Variants in NBPF12 observed in about 807,000 individuals in gnomAD.
NBPF12 encodes NBPF member 12.
NBPF12 carries 115 observed loss-of-function variants against 146.4 expected under a neutral mutation model. The ratio of observed to expected loss-of-function variants is 0.79; its 90% CI spans 0.68 to 0.92. The LOEUF (loss-of-function observed/expected upper bound fraction) is 0.92, where lower values mean the gene tolerates loss of function less well. NBPF12 is among the 40% of genes least tolerant of loss of function. The probability of loss-of-function intolerance (pLI) is 0.00; values close to 1 mark genes in which losing one functional copy is unlikely to be tolerated. For missense variants in NBPF12, 1,205 were observed against 1,326.8 expected, an observed-to-expected ratio of 0.91 and a Z score of 1.43; for synonymous variants, 385 against 508.9, an observed-to-expected ratio of 0.76 and a Z score of 3.28.
chr1:146,952,160 TGAA>T (rs1655352852), intron 2 of NBPF12: 1 of 151,840 alleles, frequency 6.6e-6, no homozygotes, highest in Non-Finnish European at 1.5e-5. Flanking sequence ...TCTTTTATGA[TGAA>T]GGAGAAATAA....
intron 13 of NBPF12, among the ~76,000 whole-genome samples, chr1:146,972,445 A>G (rs1457273660): frequency 6.6e-6 from 1 of 151,392 alleles, no homozygotes; most frequent in South Asian, 2.1e-4. Flanking sequence ...GCAAAATGAA[A>G]TCTTTTGTGC....
intron 1 of NBPF12, among the ~76,000 whole-genome samples, chr1:146,941,373 CT>C (rs1246720880): frequency 6.6e-6 from 1 of 151,932 alleles, no homozygotes; most frequent in Non-Finnish European, 1.5e-5. Context: ...GCATGAGCTA[CT>C]GCACCCGGCC....
chr1:146,942,143 C>T (rs1165125373), intron 1 of NBPF12, among the ~76,000 whole-genome samples: 5 of 151,360 alleles, frequency 3.3e-5, no homozygotes, highest in African/African-American at 1.2e-4. Context: ...CGGCATGCAC[C>T]ACCATGCCCA....
intron 9 of NBPF12, among the ~76,000 whole-genome samples, chr1:146,966,986 C>T (rs1416322604): frequency 2.0e-4 from 30 of 151,086 alleles, no homozygotes; most frequent in Non-Finnish European, 2.6e-4. Flanking sequence ...CTCTGTGCCA[C>T]ATAAGATCCT....
At position 146,988,889 on chromosome 1, in the gene NBPF12, AGAAGAAAAGAAGAAGGG is replaced by A. The variant is rs2101922792; in HGVS notation, c.3351_3367del (p.Arg1118GlyfsTer18). The A allele has an allele frequency of 2.0e-6, 1 of 503,094 alleles. No homozygotes were observed. Among genetic ancestry groups the A allele is most frequent in the Admixed American group, 3.8e-5 (1 of 26,562 alleles). The allele number at this position is 503,094 out of a possible 1,614,324, so 31.2% of individuals were successfully genotyped here. On this transcript the variant is annotated frameshift_variant, in exon 27 of 34. Coordinates refer to ENST00000617844, the Ensembl canonical transcript of NBPF12. LOFTEE classifies it high-confidence loss of function. ...AAGAAAAGAAGGGGAAGAAGATCAA[AGAAGAAAAGAAGAAGGG>A]GAAGAAAAGAAGGGGAAGAAGATCA... is the stretch of plus-strand genomic sequence containing the variant.
chr1:146,980,285 T>C (rs1440089833), intron 19 of NBPF12, among the ~76,000 whole-genome samples: 1 of 152,164 alleles, frequency 6.6e-6, no homozygotes, highest in Non-Finnish European at 1.5e-5. Context: ...CATTCTGTGT[T>C]TTTTAACTGG....
At chr1:146,992,478 G>GCT (rs1658253466) in intron 31 of NBPF12, among the ~76,000 whole-genome samples, 1 of 112,830 alleles carries the variant, frequency 8.9e-6, no homozygotes, top group Non-Finnish European at 1.8e-5. Flanking sequence ...GTGTGTGTGT[G>GCT]TGTGTGTGTG....
chr1:146,948,299 G>A (rs1423042655), upstream of NBPF12, among the ~76,000 whole-genome samples: 64 of 151,940 alleles, frequency 4.2e-4, 1 homozygote, highest in East Asian at 9.7e-3. Flanking sequence ...TATGAGCCAC[G>A]GCCTGACCTG....
intron 9 of NBPF12, among the ~76,000 whole-genome samples, chr1:146,966,961 G>A (rs1307526248): frequency 6.6e-6 from 1 of 150,748 alleles, no homozygotes; most frequent in South Asian, 2.1e-4. Context: ...GCTCAATCGT[G>A]TTTTCAAGAA....
intron 2 of NBPF12, among the ~76,000 whole-genome samples, chr1:146,954,973 T>TGA (rs1655512682): frequency 8.0e-5 from 1 of 12,550 alleles, no homozygotes; most frequent in Non-Finnish European, 1.1e-4. Flanking sequence ...ATAGGGAATA[T>TGA]ATATATATAT....
exon 14 of NBPF12, chr1:146,972,887 G>C (rs1193918667): frequency 1.0e-5 from 11 of 1,089,906 alleles, no homozygotes; most frequent in Non-Finnish European, 1.6e-5. Flanking sequence ...AGAAACAGCA[G>C]TTCAGAAGCC....
Position 146,959,271 on chromosome 1 carries a change from G to A in NBPF12, c.-183-588G>A, listed in dbSNP as rs1475531450. Among the ~76,000 whole-genome samples, 64 of 55,964 alleles carry A rather than the reference G, an allele frequency of 1.1e-3. 18 individuals carry two copies. Among genetic ancestry groups the A allele is most frequent in the Admixed American group, 3.4e-3 (15 of 4,476 alleles). The allele number at this position is 55,964 out of a possible 152,430, so 36.7% of individuals were successfully genotyped here. A position where few individuals can be genotyped will look rare whatever the true frequency, so the allele number is the denominator to read the frequency against. The stretch of plus-strand genomic sequence containing the variant: ...CGGCAGATCACGAGGTCAGGAGATC[G>A]AGACCATCCTGGCTAACACAGTGAA... On this transcript the variant is annotated intron_variant, in intron 2 of 33. Coordinates refer to ENST00000617844, the Ensembl canonical transcript of NBPF12.
intron 14 of NBPF12, among the ~76,000 whole-genome samples, chr1:146,974,268 T>TA (rs1656850342): frequency 1.4e-5 from 2 of 145,084 alleles, no homozygotes; most frequent in Non-Finnish European, 3.0e-5. Context: ...AAGATATGAT[T>TA]AAAAAATCAA....
At chr1:146,953,862 G>A (rs1398793646) in intron 2 of NBPF12, among the ~76,000 whole-genome samples, 7 of 151,914 alleles carry the variant, frequency 4.6e-5, no homozygotes, top group African/African-American at 1.7e-4. Context: ...AATTAATAAA[G>A]TATTGAAAGA....
exon 9 of NBPF12, chr1:146,966,524 C>T: frequency 2.0e-6 from 3 of 1,483,454 alleles, no homozygotes; most frequent in Non-Finnish European, 2.8e-6. Flanking sequence ...GGCCCTTTGT[C>T]CAGCGAGAAG....
intron 1 of NBPF12, 64 bp from the exon 2 acceptor site, chr1:146,943,226 AC>A (rs1654884476): frequency 5.8e-6 from 1 of 172,110 alleles, no homozygotes; most frequent in Non-Finnish European, 1.2e-5. Flanking sequence ...TGGCAGCTTC[AC>A]CCTTCAAGTT....
At chr1:146,951,716 T>C in intron 2 of NBPF12, 2 of 469,346 alleles carry the variant, frequency 4.3e-6, no homozygotes, top group South Asian at 5.5e-5. Flanking sequence ...TAATGTATCT[T>C]AAGGTTTTAT....
At chr1:146,947,809 A>G (rs1395813832), upstream of NBPF12, among the ~76,000 whole-genome samples, 1 of 151,364 alleles carries the variant, frequency 6.6e-6, no homozygotes, top group South Asian at 2.1e-4. Flanking sequence ...CATTCTAGGG[A>G]TGGTTTTTGG....
intron 4 of NBPF12, among the ~76,000 whole-genome samples, chr1:146,961,449 G>A (rs1364584119): frequency 6.6e-6 from 1 of 151,934 alleles, no homozygotes; most frequent in Non-Finnish European, 1.5e-5. Flanking sequence ...GGTATTTCCT[G>A]TCAATCTCCT....
Sources: gnomAD v4.1 joint callset for allele counts (sites outside exome capture counted in the v4.1 genomes callset) on GRCh38, gnomAD v4.1.1 for gene constraint, MANE v1.5 for transcripts, NCBI Gene and HGNC (gene_info 2026-07-23, HGNC 2026-07-21) for gene names.